PAFAH1B1: variants seen among roughly 807,000 people sequenced by gnomAD.
PAFAH1B1 encodes the protein platelet-activating factor acetylhydrolase IB subunit beta.
In PAFAH1B1, 2 loss-of-function variants were observed where a neutral mutation model predicts 57.5. The observed-to-expected ratio is 0.03, with a 90% CI of 0.01 to 0.11. The LOEUF (loss-of-function observed/expected upper bound fraction) is 0.11, where lower values mean the gene tolerates loss of function less well. Among genes scored for constraint, PAFAH1B1 ranks in the 10% least tolerant of loss-of-function variants. PAFAH1B1 has a pLI of 1.00. For missense variants in PAFAH1B1, 257 were observed against 512.0 expected, an observed-to-expected ratio of 0.50 and a Z score of 4.81; for synonymous variants, 152 against 169.6, an observed-to-expected ratio of 0.90 and a Z score of 0.81.
chr17:2,630,549 C>T (rs1222327995), intron 1 of PAFAH1B1, among the ~76,000 whole-genome samples: 2 of 152,134 alleles, frequency 1.3e-5, no homozygotes, highest in Non-Finnish European at 2.9e-5. Context: ...AGATTCTTTC[C>T]TTTGTCTTAA....
intron 1 of PAFAH1B1, among the ~76,000 whole-genome samples, chr17:2,636,918 C>A (rs2068631869): frequency 6.6e-6 from 1 of 151,812 alleles, no homozygotes; most frequent in Non-Finnish European, 1.5e-5. Context: ...GACGGGGTCT[C>A]CTGTGTTTCC....
At chr17:2,613,947 G>A (rs968049656) in intron 1 of PAFAH1B1, 4 of 185,594 alleles carry the variant, frequency 2.2e-5, no homozygotes, top group Non-Finnish European at 4.5e-5. Flanking sequence ...AAGAGGGGGC[G>A]GCTGTGGCAG....
chr17:2,652,817 G>T (rs902504050), intron 2 of PAFAH1B1, among the ~76,000 whole-genome samples: 2 of 152,188 alleles, frequency 1.3e-5, no homozygotes, highest in Non-Finnish European at 2.9e-5. Context: ...TGCACTGTTG[G>T]TGGGACTGTA....
intron 1 of PAFAH1B1, among the ~76,000 whole-genome samples, chr17:2,610,848 A>G (rs1310623984): frequency 6.6e-6 from 1 of 152,206 alleles, no homozygotes; most frequent in African/African-American, 2.4e-5. Context: ...TGGGAGACCA[A>G]TCACATCACA....
At chr17:2,616,336 GGT>G (rs369161877) in intron 1 of PAFAH1B1, among the ~76,000 whole-genome samples, 1 of 151,934 alleles carries the variant, frequency 6.6e-6, no homozygotes, top group African/African-American at 2.4e-5. Context: ...AGGCCAATAG[GGT>G]GTGTGTGTGT....
Position 2,684,061 on chromosome 17 carries a change from A to G in PAFAH1B1, c.*2259A>G, listed in dbSNP as rs1218917437. 6.6e-6 allele frequency: 1 copy of G among 152,638 alleles called. No homozygotes were observed. The highest frequency in any genetic ancestry group is 1.5e-5 in the Non-Finnish European group (1 of 68,048). The allele number at this position is 152,638 out of a possible 1,614,324, so 9.5% of individuals were successfully genotyped here. A position where few individuals can be genotyped will look rare whatever the true frequency, so the allele number is the denominator to read the frequency against. On this transcript the variant is annotated 3_prime_UTR_variant, in exon 11 of 11. Transcript: ENST00000397195. ...TGCGTTGACAAAGGAGGAGGAAACG[A>G]TTACTCTGTAAACAAAGTTATCCTT...
At chr17:2,665,590 CT>C (rs905966560) in intron 3 of PAFAH1B1, 134 bp downstream of exon 3, 2,654 of 520,300 alleles carry the variant, frequency 5.1e-3, no homozygotes, top group East Asian at 6.2e-3. Context: ...ATTTTCACTC[CT>C]TTTTTTTTTA....
intron 1 of PAFAH1B1, among the ~76,000 whole-genome samples, chr17:2,610,018 T>C (rs879922391): frequency 1.3e-5 from 2 of 152,156 alleles, no homozygotes; most frequent in Non-Finnish European, 2.9e-5. Flanking sequence ...AGAGGCAGGG[T>C]TTCGCCATGT....
intron 2 of PAFAH1B1, among the ~76,000 whole-genome samples, chr17:2,663,973 G>T (rs984717442): frequency 1.1e-4 from 17 of 152,002 alleles, no homozygotes; most frequent in Admixed American, 1.1e-3. Context: ...GATTACAGGC[G>T]TGAGCCACCG....
Position 2,600,252 on chromosome 17 carries a change from A to G in PAFAH1B1, c.-191+6246A>G, listed in dbSNP as rs529689080. Among the ~76,000 whole-genome samples, 3 of 151,576 alleles carry G rather than the reference A, an allele frequency of 2.0e-5. No homozygotes were observed. The South Asian group carries it at 6.4e-4, about 32-fold the overall frequency. On this transcript the variant is annotated intron_variant, in intron 1 of 10. Coordinates refer to ENST00000397195, the MANE Select transcript of PAFAH1B1 (RefSeq NM_000430.4). ...TGAGCCACCACACCCAGCCCAATCCATTTTTAATCTAAGGTAAAGATAGAA... is the reference window on the plus strand; with the variant it reads ...TGAGCCACCACACCCAGCCCAATCCGTTTTTAATCTAAGGTAAAGATAGAA...
chr17:2,665,992 A>G (rs1440639674), intron 3 of PAFAH1B1, 24 bp from the exon 4 acceptor site: 1 of 1,455,678 alleles, frequency 6.9e-7, no homozygotes, highest in East Asian at 2.5e-5. Flanking sequence ...CATTTTTTAA[A>G]AATTCTAAAT....
chr17:2,628,170 A>T (rs552240506), intron 1 of PAFAH1B1, among the ~76,000 whole-genome samples: 34 of 152,264 alleles, frequency 2.2e-4, no homozygotes, highest in African/African-American at 8.2e-4. Context: ...CTCAGAGGGA[A>T]TGCTTTCAAC....
chr17:2,665,266 T>C, intron 2 of PAFAH1B1, 106 bp from the exon 3 acceptor site: 1 of 729,656 alleles, frequency 1.4e-6, no homozygotes, highest in South Asian at 1.5e-5. Context: ...AAGGGAATAC[T>C]CTTGAAAAGA....
chr17:2,634,668 T>G (rs1191076043), intron 1 of PAFAH1B1, among the ~76,000 whole-genome samples: 3 of 152,190 alleles, frequency 2.0e-5, no homozygotes, highest in Non-Finnish European at 4.4e-5. Context: ...AGTGATTTTT[T>G]TTTTTCCTAA....
chr17:2,614,021 GTTTTTTTTTTTT>G (rs11432432), intron 1 of PAFAH1B1: 1 of 96,972 alleles, frequency 1.0e-5, no homozygotes, highest in South Asian at 3.3e-4. Context: ...TATATATTGG[GTTTTTTTTTTTT>G]TTTTTTTTTG....
chr17:2,599,086 C>G (rs147450733), intron 1 of PAFAH1B1, among the ~76,000 whole-genome samples: 1 of 152,310 alleles, frequency 6.6e-6, no homozygotes, highest in East Asian at 1.9e-4. Context: ...AAGGATACTT[C>G]TGGAATGGTA....
At chr17:2,660,973 G>A (rs7218235) in intron 2 of PAFAH1B1, among the ~76,000 whole-genome samples, 25,129 of 151,996 alleles carry the variant, frequency 0.17, 2,476 homozygotes, top group South Asian at 0.24. Context: ...ATCTCATTGT[G>A]GTTTTGATTT....
chr17:2,615,272 C>CG (rs1430273761), intron 1 of PAFAH1B1, among the ~76,000 whole-genome samples: 6 of 151,880 alleles, frequency 4.0e-5, no homozygotes, highest in Non-Finnish European at 8.8e-5. Context: ...TATTGGTATC[C>CG]GGGGGGTCCT....
Position 2,638,110 on chromosome 17 carries a change from C to A in PAFAH1B1, c.-179C>A. On this transcript the variant is annotated 5_prime_UTR_variant, in exon 2 of 11. Coordinates refer to ENST00000397195, the MANE Select transcript of PAFAH1B1 (RefSeq NM_000430.4). ...CTCTTTCTCCTTAGGTGGAATGAAT[C>A]TTACTTGTTGAATATCTTCTGGTTA... is the stretch of plus-strand genomic sequence containing the variant. The A allele has an allele frequency of 1.9e-6, 1 of 531,352 alleles. No homozygotes were observed. The highest frequency in any genetic ancestry group is 3.2e-5 in the South Asian group (1 of 31,010). 32.9% of individuals were successfully genotyped at this position (531,352 alleles called of 1,614,324 possible). A position where few individuals can be genotyped will look rare whatever the true frequency, so the allele number is the denominator to read the frequency against.
Sources: allele counts gnomAD v4.1 joint callset (sites outside exome capture counted in the v4.1 genomes callset), GRCh38; gene constraint gnomAD v4.1.1; transcripts MANE v1.5; gene names NCBI Gene and HGNC (gene_info 2026-07-23, HGNC 2026-07-21).